The following NPAS3 variants were observed in gnomAD, a reference collection of about 807,000 sequenced individuals.
NPAS3 encodes neuronal PAS domain protein 3.
In NPAS3, 14 loss-of-function variants were observed where a neutral mutation model predicts 73.1. The ratio of observed to expected loss-of-function variants is 0.19; its 90% CI spans 0.13 to 0.30. The LOEUF is 0.30. Among genes scored for constraint, NPAS3 ranks in the 10% least tolerant of loss-of-function variants. NPAS3 has a pLI of 1.00. For synonymous variants in NPAS3, 620 were observed against 541.5 expected, an observed-to-expected ratio of 1.14 and a Z score of -2.01; for missense variants, 1,096 against 1,250.0, an observed-to-expected ratio of 0.88 and a Z score of 1.86.
intron 5 of NPAS3, among the ~76,000 whole-genome samples, chr14:33,650,482 GATTATCCTTA>G (rs2058960551): frequency 6.6e-6 from 1 of 152,138 alleles, no homozygotes; most frequent in Non-Finnish European, 1.5e-5. Flanking sequence ...GATAATTCTG[GATTATCCTTA>G]ATTAGAGGGA....
At chr14:33,208,115 T>C (rs2046899049) in intron 2 of NPAS3, among the ~76,000 whole-genome samples, 2 of 151,604 alleles carry the variant, frequency 1.3e-5, no homozygotes, top group African/African-American at 4.9e-5. Flanking sequence ...GTTTTTTTTT[T>C]CCGTTATTAT....
At chr14:33,529,264 C>T (rs371750129) in intron 4 of NPAS3, among the ~76,000 whole-genome samples, 16 of 152,172 alleles carry the variant, frequency 1.1e-4, no homozygotes, top group African/African-American at 2.9e-4. Flanking sequence ...TGTGTCTTAA[C>T]AGTTTCCCAA....
chr14:33,735,470 C>T (rs2061499972), intron 7 of NPAS3, 138 bp downstream of exon 7: 4 of 676,058 alleles, frequency 5.9e-6, no homozygotes, highest in East Asian at 2.5e-5. Context: ...CAGTCATCTT[C>T]CTGTCTCAAG....
At chr14:33,173,173 G>A (rs1032457922) in intron 2 of NPAS3, among the ~76,000 whole-genome samples, 2 of 152,082 alleles carry the variant, frequency 1.3e-5, no homozygotes, top group African/African-American at 2.4e-5. Flanking sequence ...TCATTAGGTT[G>A]CATTTTATTT....
chr14:33,624,382 G>C (rs941378208), intron 5 of NPAS3, among the ~76,000 whole-genome samples: 2 of 152,294 alleles, frequency 1.3e-5, no homozygotes, highest in African/African-American at 4.8e-5. Context: ...TCCTAACCGG[G>C]TCTCTTTGGA....
At chr14:32,998,972 C>G (rs1414862900) in intron 1 of NPAS3, among the ~76,000 whole-genome samples, 3 of 152,186 alleles carry the variant, frequency 2.0e-5, no homozygotes, top group Non-Finnish European at 4.4e-5. Context: ...CATCATCACA[C>G]TGTGTGCTTC....
intron 1 of NPAS3, among the ~76,000 whole-genome samples, chr14:33,025,067 T>A (rs2039753902): frequency 6.6e-6 from 1 of 152,212 alleles, no homozygotes; most frequent in Non-Finnish European, 1.5e-5. Context: ...GTAACGTATG[T>A]GTCTTCATAG....
chr14:32,940,990 G>A (rs987081927), intron 1 of NPAS3, among the ~76,000 whole-genome samples: 2 of 152,132 alleles, frequency 1.3e-5, no homozygotes, highest in Non-Finnish European at 2.9e-5. Flanking sequence ...CTCCCAAACT[G>A]TAGAAAATCT....
At chr14:33,573,305 T>G (rs2056302708) in intron 5 of NPAS3, among the ~76,000 whole-genome samples, 1 of 152,174 alleles carries the variant, frequency 6.6e-6, no homozygotes, top group Non-Finnish European at 1.5e-5. Flanking sequence ...CTGAGGCTAT[T>G]GATCACTAAG....
chr14:33,032,176 G>T (rs2040018359), intron 1 of NPAS3, among the ~76,000 whole-genome samples: 1 of 152,208 alleles, frequency 6.6e-6, no homozygotes, highest in Non-Finnish European at 1.5e-5. Flanking sequence ...AATGTAGGAG[G>T]ATTGTACATG....
At chr14:33,564,316 T>G (rs990422770) in intron 5 of NPAS3, among the ~76,000 whole-genome samples, 1 of 152,190 alleles carries the variant, frequency 6.6e-6, no homozygotes, top group South Asian at 2.1e-4. Context: ...GCAAAGTTTT[T>G]CTGGGACTGA....
intron 3 of NPAS3, 57 bp downstream of exon 3, chr14:33,215,483 C>T (rs958910294): frequency 1.3e-6 from 2 of 1,575,424 alleles, no homozygotes; most frequent in African/African-American, 2.7e-5. Context: ...GTCTGTAAGA[C>T]AAAATGTTTA....
intron 1 of NPAS3, among the ~76,000 whole-genome samples, chr14:33,052,699 C>A (rs1279821716): frequency 1.3e-5 from 2 of 152,122 alleles, no homozygotes; most frequent in Admixed American, 1.3e-4. Context: ...CACATTTGCT[C>A]CAGGAAATAA....
intron 9 of NPAS3, among the ~76,000 whole-genome samples, chr14:33,785,744 C>G (rs979845279): frequency 1.3e-5 from 2 of 152,096 alleles, no homozygotes; most frequent in African/African-American, 4.8e-5. Context: ...CATGAACTCC[C>G]ACATCTTCTC....
At chr14:33,343,004 G>GT (rs2044558989) in intron 3 of NPAS3, among the ~76,000 whole-genome samples, 1 of 152,160 alleles carries the variant, frequency 6.6e-6, no homozygotes, top group Non-Finnish European at 1.5e-5. Flanking sequence ...TTTGTTGCAT[G>GT]TTTAATTCTT....
chr14:33,154,048 T>G (rs560137831), intron 2 of NPAS3, among the ~76,000 whole-genome samples: 2 of 152,286 alleles, frequency 1.3e-5, no homozygotes, highest in East Asian at 3.9e-4. Flanking sequence ...TAGAACTCTT[T>G]GTTGTACAAA....
intron 2 of NPAS3, among the ~76,000 whole-genome samples, chr14:33,166,006 G>C (rs544227200): frequency 6.6e-6 from 1 of 152,162 alleles, no homozygotes; most frequent in African/African-American, 2.4e-5. Flanking sequence ...GATGGTTAAA[G>C]TTGCTAGGTA....
intron 3 of NPAS3, among the ~76,000 whole-genome samples, chr14:33,235,982 G>T (rs1015654573): frequency 2.0e-5 from 3 of 151,562 alleles, no homozygotes; most frequent in African/African-American, 7.3e-5. Context: ...TGTAGACACG[G>T]GGTCTCACAA....
chr14:33,679,333 G>C (rs2059867098), intron 6 of NPAS3, among the ~76,000 whole-genome samples: 1 of 152,182 alleles, frequency 6.6e-6, no homozygotes, highest in African/African-American at 2.4e-5. Context: ...AGTGTAGGGT[G>C]CTACCTTAAA....
Sources: gnomAD v4.1 joint callset for allele counts (sites outside exome capture counted in the v4.1 genomes callset) on GRCh38, gnomAD v4.1.1 for gene constraint, MANE v1.5 for transcripts, NCBI Gene and HGNC (gene_info 2026-07-23, HGNC 2026-07-21) for gene names.